The following TOX3 variants were observed in gnomAD, a reference collection of about 807,000 sequenced individuals.
TOX3 encodes CAG trinucleotide repeat-containing gene F9 protein.
TOX3 carries 22 observed loss-of-function variants against 64.3 expected under a neutral mutation model. The ratio of observed to expected loss-of-function variants is 0.34; its 90% confidence interval spans 0.24 to 0.49. The LOEUF is 0.49. Among genes scored for constraint, TOX3 ranks in the 20% least tolerant of loss-of-function variants. TOX3 has a pLI of 0.99. For missense variants in TOX3, 661 were observed against 714.4 expected (o/e 0.93, Z 0.85); for synonymous variants, 291 against 273.6 (o/e 1.06, Z -0.63).
chr16:52,441,876 C>T (rs973809095), intron 6 of TOX3, among the ~76,000 whole-genome samples: 4 of 152,100 alleles, frequency 2.6e-5, no homozygotes, highest in Non-Finnish European at 2.9e-5. Flanking sequence ...GTTCCTGAAC[C>T]GTCATGTTCT....
chr16:52,464,289 T>C (rs1289019953), intron 2 of TOX3, 101 bp from the exon 3 acceptor site: 12 of 1,197,630 alleles, frequency 1.0e-5, no homozygotes, highest in East Asian at 2.8e-5. Context: ...ACTACATACA[T>C]ATCTAGGCCA....
At chr16:52,518,193 T>G (rs1348169025) in intron 1 of TOX3, among the ~76,000 whole-genome samples, 1 of 152,208 alleles carries the variant, frequency 6.6e-6, no homozygotes, top group Non-Finnish European at 1.5e-5. Flanking sequence ...TGATATCTTT[T>G]CCGTATATAC....
intron 1 of TOX3, among the ~76,000 whole-genome samples, chr16:52,539,508 TCCTAAATTACTG>T (rs1370211121): frequency 3.3e-5 from 5 of 152,238 alleles, no homozygotes; most frequent in African/African-American, 1.2e-4. Context: ...ACATGTTACT[TCCTAAATTACTG>T]CCTCACTGAC....
intron 1 of TOX3, among the ~76,000 whole-genome samples, chr16:52,526,038 A>T (rs1410162205): frequency 6.6e-6 from 1 of 152,202 alleles, no homozygotes. Context: ...CCTTTGAAAT[A>T]TTCTCTGACA....
intron 1 of TOX3, among the ~76,000 whole-genome samples, chr16:52,546,095 C>A (rs535511509): frequency 6.7e-4 from 102 of 152,136 alleles, no homozygotes; most frequent in Middle Eastern, 6.8e-3. Context: ...GCAAAGGCCA[C>A]CTGCGGGGTC....
At chr16:52,450,607 T>C in intron 3 of TOX3, 61 bp from the exon 4 acceptor site, 5 of 1,601,892 alleles carry the variant, frequency 3.1e-6, no homozygotes, top group South Asian at 1.1e-5. Flanking sequence ...AGTGAACTTA[T>C]CAGGTTAGCA....
chr16:52,510,131 T>C (rs1962263432), intron 1 of TOX3, among the ~76,000 whole-genome samples: 1 of 143,738 alleles, frequency 7.0e-6, no homozygotes, highest in Non-Finnish European at 1.5e-5. Context: ...AACAATGATA[T>C]AAGCCTTGCT....
chr16:52,438,675 T>C lies in TOX3; in HGVS notation c.*550A>G, dbSNP rs1959828279. 1 of 177,234 alleles carries C rather than the reference T, an allele frequency of 5.6e-6. No homozygotes were observed. The highest frequency in any genetic ancestry group is 2.4e-5 in the African/African-American group (1 of 41,640). 11.0% of individuals were successfully genotyped at this position (177,234 alleles called of 1,614,324 possible). A position where few individuals can be genotyped will look rare whatever the true frequency, so the allele number is the denominator to read the frequency against. On this transcript the variant is annotated 3_prime_UTR_variant, in exon 7 of 7. Coordinates refer to ENST00000219746, the MANE Select transcript of TOX3 (RefSeq NM_001080430.4). ...TTCTGGAGAGATTTAGGAAAAAAAA[T>C]AAGAGCTTTGGCAAAAGTCTGTGAT...
At chr16:52,488,680 G>A (rs545384046) in intron 1 of TOX3, among the ~76,000 whole-genome samples, 1 of 152,214 alleles carries the variant, frequency 6.6e-6, no homozygotes, top group Non-Finnish European at 1.5e-5. Flanking sequence ...GTTCTAGGAA[G>A]TAGACCAAAA....
chr16:52,511,688 A>G (rs961409420), intron 1 of TOX3, among the ~76,000 whole-genome samples: 4 of 152,238 alleles, frequency 2.6e-5, no homozygotes, highest in Admixed American at 6.5e-5. Flanking sequence ...GTAGGACAGA[A>G]TGAATGCAGA....
chr16:52,534,588 A>T (rs1309785967), intron 1 of TOX3, among the ~76,000 whole-genome samples: 1 of 151,968 alleles, frequency 6.6e-6, no homozygotes, highest in Non-Finnish European at 1.5e-5. Flanking sequence ...AGTGGCTATG[A>T]TCACACCACT....
At chr16:52,539,108 G>T (rs1395653635) in intron 1 of TOX3, among the ~76,000 whole-genome samples, 1 of 152,040 alleles carries the variant, frequency 6.6e-6, no homozygotes, top group Non-Finnish European at 1.5e-5. Context: ...AACATTTCAT[G>T]AAATCCAAAA....
At chr16:52,500,104 T>C (rs1431598942) in intron 1 of TOX3, among the ~76,000 whole-genome samples, 3 of 152,196 alleles carry the variant, frequency 2.0e-5, no homozygotes, top group Non-Finnish European at 4.4e-5. Flanking sequence ...CATGGTTTTC[T>C]CCTCCAAACA....
chr16:52,546,984 C>G lies in TOX3; in HGVS notation c.-261G>C, dbSNP rs1342619550. The G allele has an allele frequency of 8.6e-5, 84 of 978,022 alleles. No individual in the cohort carries two copies. Among genetic ancestry groups the G allele is most frequent in the Non-Finnish European group, 9.4e-5 (78 of 826,352 alleles). 60.6% of individuals were successfully genotyped at this position (978,022 alleles called of 1,614,324 possible). On this transcript the variant is annotated 5_prime_UTR_variant, in exon 1 of 7. Coordinates refer to ENST00000219746, the MANE Select transcript of TOX3 (RefSeq NM_001080430.4). ...GCCGGGGCACCGAGGCAGCGCTGCG[C>G]GCGGGCCGGGCGCCGGGGGCGCGGG... is the stretch of plus-strand genomic sequence containing the variant.
At chr16:52,508,159 A>G (rs997351956) in intron 1 of TOX3, among the ~76,000 whole-genome samples, 5 of 152,244 alleles carry the variant, frequency 3.3e-5, no homozygotes, top group African/African-American at 1.2e-4. Flanking sequence ...AAACATACAA[A>G]TATCTGAAGA....
At chr16:52,490,880 C>T (rs1042670609) in intron 1 of TOX3, among the ~76,000 whole-genome samples, 3 of 152,046 alleles carry the variant, frequency 2.0e-5, no homozygotes, top group African/African-American at 4.8e-5. Context: ...CCACCCACCT[C>T]AGCCTCCCAA....
At chr16:52,496,303 A>G (rs763044381) in intron 1 of TOX3, among the ~76,000 whole-genome samples, 70 of 152,230 alleles carry the variant, frequency 4.6e-4, no homozygotes, top group Non-Finnish European at 4.6e-4. Context: ...TACTTGCAGT[A>G]ATAATTTTTG....
Position 52,443,516 on chromosome 16 carries a change from C to T in TOX3, c.987+760G>A, listed in dbSNP as rs537486319. Among the ~76,000 whole-genome samples the T allele has an allele frequency of 9.2e-5, 14 of 152,258 alleles. No individual in the cohort carries two copies. In the South Asian group the frequency reaches 2.7e-3, roughly 29 times the overall value. ...AATGGCTTTGAGACCCTAGGTTGTACTTGAGACAGCAACAGTGACAATGAA... is the reference window on the plus strand; with the variant it reads ...AATGGCTTTGAGACCCTAGGTTGTATTTGAGACAGCAACAGTGACAATGAA... On this transcript the variant is annotated intron_variant, in intron 6 of 6. Coordinates refer to ENST00000219746, the MANE Select transcript of TOX3 (RefSeq NM_001080430.4).
intron 1 of TOX3, among the ~76,000 whole-genome samples, chr16:52,543,571 G>T (rs1464723285): frequency 1.3e-5 from 2 of 152,146 alleles, no homozygotes; most frequent in Admixed American, 1.3e-4. Context: ...AATATACAGG[G>T]TTTAATTTGT....
Sources: allele counts gnomAD v4.1 joint callset (sites outside exome capture counted in the v4.1 genomes callset), GRCh38; gene constraint gnomAD v4.1.1; transcripts MANE v1.5; gene names NCBI Gene and HGNC (gene_info 2026-07-23, HGNC 2026-07-21).